Variants in SLC22A31 observed in about 807,000 individuals in gnomAD.
The protein encoded by SLC22A31 is putative solute carrier family 22 member 31.
A neutral mutation model predicts 27.4 loss-of-function variants in SLC22A31; 42 were observed. The observed-to-expected ratio is 1.53, with a 90% CI of 1.20 to 1.98. The LOEUF is 1.98. SLC22A31 is among the 30% of genes most tolerant of loss of function. The pLI, the probability that SLC22A31 is intolerant of heterozygous loss-of-function variation, is 0.00. For missense variants in SLC22A31, 593 were observed against 479.9 expected, an observed-to-expected ratio of 1.24 and a Z score of -2.20; for synonymous variants, 290 against 230.8, an observed-to-expected ratio of 1.26 and a Z score of -2.33.
At position 89,198,734 on chromosome 16, in the gene SLC22A31, G is replaced by A; in HGVS notation, c.516C>T (p.Ala172=). ...CTGCAAAGCGCCACAGGATCTTCCT[G>A]GCTCGAGCTACCTGACCTGTGGCCA... ...WLLATGQVAR[A]RKILWRFAEA... Residue 172 remains alanine (A), a synonymous_variant, in exon 5 of 9, where the codon GCC becomes GCT. Coordinates refer to ENST00000682282, the MANE Select transcript of SLC22A31 (RefSeq NM_001384763.1). 2.6e-6 allele frequency: 4 copies of A among 1,535,778 alleles called. No homozygotes were observed. Among genetic ancestry groups the A allele is most frequent in the Non-Finnish European group, 3.5e-6 (4 of 1,146,798 alleles).
intron 4 of SLC22A31, 96 bp from the exon 5 acceptor site, chr16:89,198,893 C>T: frequency 1.3e-6 from 2 of 1,488,076 alleles, no homozygotes; most frequent in Non-Finnish European, 1.8e-6. Flanking sequence ...GGCTCAGGGG[C>T]AGGACATCAC....
At chr16:89,197,234 T>C (rs1234567719) in intron 8 of SLC22A31, 64 bp downstream of exon 8, 6 of 1,286,342 alleles carry the variant, frequency 4.7e-6, no homozygotes, top group Non-Finnish European at 6.4e-6. Context: ...CCTGTCCACC[T>C]GGCCCCTCCT....
chr16:89,196,102 A>C lies in SLC22A31; in HGVS notation c.1238T>G (p.Leu413Arg). Residue 413 changes from leucine to arginine, a missense_variant, in exon 9 of 9, where the codon CTG (leucine) becomes CGG (arginine). Physicochemically the swap from Leu to Arg is moderately radical, Grantham distance 102. Coordinates refer to ENST00000682282, the MANE Select transcript of SLC22A31 (RefSeq NM_001384763.1). ...GCCCCGCAGGAGTGGGGAGCGGCGC[A>C]GGCGGTCGGCGTCCTGCAGTGACTG... is the stretch of plus-strand genomic sequence containing the variant. Reference protein sequence around the residue: ...LPQSLQDADRLRRSPLLRGRP... With the variant: ...LPQSLQDADRRRRSPLLRGRP... The C allele has an allele frequency of 6.5e-7, 1 of 1,533,776 alleles. No individual in the cohort carries two copies. The highest frequency in any genetic ancestry group is 8.7e-7 in the Non-Finnish European group (1 of 1,146,322).
Position 89,197,411 on chromosome 16 carries a change from T to A in SLC22A31, c.923-2A>T. On this transcript the variant is annotated splice_acceptor_variant, in intron 7 of 8. Coordinates refer to ENST00000682282, the MANE Select transcript of SLC22A31 (RefSeq NM_001384763.1). LOFTEE classifies it high-confidence loss of function. Reference sequence around the variant, plus strand: ...ACAGCACAGTCCAGCCTGGCAGATCTGGGGACAAAGAACAGGGGTTCCCAG... The same window carrying A: ...ACAGCACAGTCCAGCCTGGCAGATCAGGGGACAAAGAACAGGGGTTCCCAG... 6.5e-7 allele frequency: 1 copy of A among 1,534,396 alleles called. No homozygotes were observed. The highest frequency in any genetic ancestry group is 8.7e-7 in the Non-Finnish European group (1 of 1,145,606).
Position 89,195,986 on chromosome 16 carries a change from C to G in SLC22A31, c.*13G>C. The stretch of plus-strand genomic sequence containing the variant: ...TTTGGTCCCATCCTGGCTCCCAGGG[C>G]CACCAGGCAGGACTAGTGCTGCTCG... On this transcript the variant is annotated 3_prime_UTR_variant, in exon 9 of 9. Coordinates refer to ENST00000682282, the MANE Select transcript of SLC22A31 (RefSeq NM_001384763.1). The G allele has an allele frequency of 6.8e-7, 1 of 1,472,458 alleles. No homozygotes were observed. The highest frequency in any genetic ancestry group is 1.3e-5 in the South Asian group (1 of 74,458). The allele number at this position is 1,472,458 out of a possible 1,614,324, so 91.2% of individuals were successfully genotyped here. A position where few individuals can be genotyped will look rare whatever the true frequency, so the allele number is the denominator to read the frequency against.
At position 89,197,321 on chromosome 16, in the gene SLC22A31, G is replaced by C. The variant is rs577705994; in HGVS notation, c.1011C>G (p.Ala337=). ...AVSALSSLFA[A]EVFPTVIRGA... is the part of the protein sequence containing the mutation. Reference sequence around the variant, plus strand: ...ACCTGATCACCGTGGGGAAGACCTCGGCCGCGAAGAGGCTGCTGAGTGCGG... The same window carrying C: ...ACCTGATCACCGTGGGGAAGACCTCCGCCGCGAAGAGGCTGCTGAGTGCGG... Residue 337 remains alanine, a synonymous_variant, in exon 8 of 9, where the codon GCC becomes GCG. Coordinates refer to ENST00000682282, the MANE Select transcript of SLC22A31 (RefSeq NM_001384763.1). The C allele has an allele frequency of 6.5e-7, 1 of 1,535,652 alleles. No homozygotes were observed. The highest frequency in any genetic ancestry group is 1.4e-5 in the African/African-American group (1 of 73,028).
At chr16:89,200,923 A>T (rs1916542049), upstream of SLC22A31, among the ~76,000 whole-genome samples, 1 of 152,168 alleles carries the variant, frequency 6.6e-6, no homozygotes, top group African/African-American at 2.4e-5. Flanking sequence ...GCCAGCCCAA[A>T]GCCACGGTCT....
chr16:89,196,510 A>G (rs931980565), intron 8 of SLC22A31: 5 of 887,836 alleles, frequency 5.6e-6, no homozygotes, highest in Non-Finnish European at 8.3e-6. Context: ...GGGGCAACAG[A>G]TTGGGGGACA....
At chr16:89,198,998 C>A in intron 4 of SLC22A31, 25 bp downstream of exon 4, 2 of 1,531,028 alleles carry the variant, frequency 1.3e-6, no homozygotes, top group Non-Finnish European at 1.7e-6. Flanking sequence ...ATGAGGGCTG[C>A]TGGCCCAGCT....
At position 89,196,180 on chromosome 16, in the gene SLC22A31, A is replaced by G. The variant is rs1248507125; in HGVS notation, c.1160T>C (p.Leu387Pro). 8.5e-6 allele frequency: 13 copies of G among 1,535,064 alleles called. No homozygotes were observed. The East Asian group carries it at 2.7e-4, about 32-fold the overall frequency. The change falls in exon 9 of 9, where the codon CTT becomes CCT. Residue 387 changes from leucine to proline, a missense_variant. Physicochemically the swap from Leu to Pro is moderately conservative, Grantham distance 98 (BLOSUM62 -3). Transcript: ENST00000682282. ...CAGCAGCAGGACACACAGCAGGGCA[A>G]GGACAGCAAGGGAGGCGAAGACGAC... Reference protein sequence around the residue: ...QQVVFASLAVLALLCVLLLPE... With the variant: ...QQVVFASLAVPALLCVLLLPE...
chr16:89,200,960 A>G (rs947962235), upstream of SLC22A31: 4 of 347,328 alleles, frequency 1.2e-5, no homozygotes, highest in Non-Finnish European at 2.1e-5. Context: ...GTCCTGAAGC[A>G]AATTCCAGGC....
rs931364593 is a variant in SLC22A31, at chr16:89,198,296, G to C, written c.748C>G (p.Leu250Val). Residue 250 changes from leucine to valine, a missense_variant, in exon 7 of 9, where the codon CTG (leucine) becomes GTG (valine). Transcript: ENST00000682282. ...TAGAAGGTCGGCACCTGAGGTGCCA[G>C]GCTGCGGCGGAAGCTAGCTCTGATG... ...GGIRASFRRSLAPQVPTFYLP... is the reference protein window; with the variant it reads ...GGIRASFRRSVAPQVPTFYLP... 5 of 1,535,826 alleles carry C rather than the reference G, an allele frequency of 3.3e-6. No individual in the cohort carries two copies. In the African/African-American group the frequency reaches 4.1e-5, roughly 13 times the overall value.
chr16:89,198,326 C>T lies in SLC22A31; in HGVS notation c.718G>A (p.Gly240Arg), dbSNP rs1235551805. Residue 240 changes from glycine to arginine, a missense_variant, in exon 7 of 9, where the codon GGA becomes AGA. Gly to Arg is a moderately radical substitution (Grantham distance 125, BLOSUM62 -2). Transcript: ENST00000682282. ...LILGFSSLVG[G>R]GIRASFRRSL... ...CGGCGGAAGCTAGCTCTGATGCCTC[C>T]ACCAACCAGCCTGGGAGAGAGAGCA... 7.8e-6 allele frequency: 12 copies of T among 1,535,800 alleles called. No individual in the cohort carries two copies. Among genetic ancestry groups the T allele is most frequent in the Non-Finnish European group, 1.0e-5 (12 of 1,146,890 alleles).
chr16:89,199,170 G>T lies in SLC22A31; in HGVS notation c.305C>A (p.Pro102His), dbSNP rs1412748434. The T allele has an allele frequency of 6.5e-7, 1 of 1,530,922 alleles. No individual in the cohort carries two copies. The highest frequency in any genetic ancestry group is 2.0e-5 in the Admixed American group (1 of 49,684). 94.8% of individuals were successfully genotyped at this position (1,530,922 alleles called of 1,614,324 possible). A position where few individuals can be genotyped will look rare whatever the true frequency, so the allele number is the denominator to read the frequency against. The change falls in exon 4 of 9, where the codon CCC (proline) becomes CAC (histidine). Residue 102 changes from proline to histidine, a missense_variant. Coordinates refer to ENST00000682282, the MANE Select transcript of SLC22A31 (RefSeq NM_001384763.1). ...YLARLELCDP[P>H]HRLAFSMGAG... ...CCCCATGGAGAAGGCCAGGCGGTGG[G>T]GAGGGTCACACAACTCCAGGCCTGG...
Position 89,198,446 on chromosome 16 carries a change from T to C in SLC22A31, c.703A>G (p.Ser235Gly), listed in dbSNP as rs1175926225. The C allele has an allele frequency of 4.6e-6, 7 of 1,517,888 alleles. No individual in the cohort carries two copies. The highest frequency in any genetic ancestry group is 6.2e-6 in the Non-Finnish European group (7 of 1,136,782). 94.0% of individuals were successfully genotyped at this position (1,517,888 alleles called of 1,614,324 possible). A position where few individuals can be genotyped will look rare whatever the true frequency, so the allele number is the denominator to read the frequency against. The change falls in exon 6 of 9, where the codon AGC becomes GGC. Residue 235 changes from serine (S) to glycine (G), a missense_variant. Physicochemically the swap from Ser to Gly is moderately conservative, Grantham distance 56. Coordinates refer to ENST00000682282, the MANE Select transcript of SLC22A31 (RefSeq NM_001384763.1). ...CCCAGCCCTTCCTCGACTCACGAGC[T>C]GAAGCCCAAGATAAGCCCGTTTCTC... ...TWRNGLILGF[S>G]SLVGGGIRAS...
chr16:89,197,523 T>G lies in SLC22A31; in HGVS notation c.923-114A>C, dbSNP rs944603477. Reference sequence around the variant, plus strand: ...TGTCTGGGGACCCACTTTCCAAGCCTCCTTTTCCAGCCCCCCTGAGAAACC... The same window carrying G: ...TGTCTGGGGACCCACTTTCCAAGCCGCCTTTTCCAGCCCCCCTGAGAAACC... On this transcript the variant is annotated intron_variant, in intron 7 of 8. Coordinates refer to ENST00000682282, the MANE Select transcript of SLC22A31 (RefSeq NM_001384763.1). 13 of 694,010 alleles carry G rather than the reference T, an allele frequency of 1.9e-5. No homozygotes were observed. In the African/African-American group the frequency reaches 2.4e-4, roughly 13 times the overall value. 43.0% of individuals were successfully genotyped at this position (694,010 alleles called of 1,614,324 possible).
chr16:89,195,935 T>A lies in SLC22A31; in HGVS notation c.*64A>T. 1 of 1,416,852 alleles carries A rather than the reference T, an allele frequency of 7.1e-7. No individual in the cohort carries two copies. Among genetic ancestry groups the A allele is most frequent in the Non-Finnish European group, 9.3e-7 (1 of 1,080,384 alleles). The allele number at this position is 1,416,852 out of a possible 1,614,324, so 87.8% of individuals were successfully genotyped here. On this transcript the variant is annotated 3_prime_UTR_variant, in exon 9 of 9. Transcript: ENST00000682282. ...TCTGCCCTGGACCAGACGTCTGGGG[T>A]ACTCAGCCATGCCCCAGGCCTTGAC...
At chr16:89,198,984 C>T in intron 4 of SLC22A31, 39 bp downstream of exon 4, 4 of 1,526,272 alleles carry the variant, frequency 2.6e-6, no homozygotes, top group Middle Eastern at 3.4e-4. Context: ...CATAGTCAGC[C>T]CCGATGAGGG....
Position 89,198,472 on chromosome 16 carries a change from C to G in SLC22A31, c.677G>C (p.Trp226Ser). The change falls in exon 6 of 9, where the codon TGG (tryptophan) becomes TCG (serine). Residue 226 changes from tryptophan to serine, a missense_variant. Transcript: ENST00000682282. ...GAAGCCCAAGATAAGCCCGTTTCTC[C>G]AGGTGACTCGGGTACGCAGAAGCCC... is the stretch of plus-strand genomic sequence containing the variant. Reference protein sequence around the residue: ...PLGLLRTRVTWRNGLILGFSS... With the variant: ...PLGLLRTRVTSRNGLILGFSS... The G allele has an allele frequency of 6.6e-7, 1 of 1,520,682 alleles. No individual in the cohort carries two copies. The highest frequency in any genetic ancestry group is 8.8e-7 in the Non-Finnish European group (1 of 1,138,570). The allele number at this position is 1,520,682 out of a possible 1,614,324, so 94.2% of individuals were successfully genotyped here.
Sources: gnomAD v4.1 joint callset for allele counts (sites outside exome capture counted in the v4.1 genomes callset) on GRCh38, gnomAD v4.1.1 for gene constraint, MANE v1.5 for transcripts, NCBI Gene and HGNC (gene_info 2026-07-23, HGNC 2026-07-21) for gene names.